The following FAR1 variants were observed in gnomAD, a reference collection of about 807,000 sequenced individuals.
FAR1 encodes the protein male sterility domain-containing protein 2.
Under a neutral mutation model 61.1 loss-of-function variants are expected in FAR1, and 22 were observed. The ratio of observed to expected loss-of-function variants is 0.36; its 90% CI spans 0.26 to 0.51. The LOEUF is 0.51. Among genes scored for constraint, FAR1 ranks in the 20% least tolerant of loss-of-function variants. The pLI is 0.95. For synonymous variants in FAR1, 206 were observed against 209.7 expected, an observed-to-expected ratio of 0.98 and a Z score of 0.15; for missense variants, 359 against 626.9, an observed-to-expected ratio of 0.57 and a Z score of 4.56.
At chr11:13,678,600 C>T (rs1171087544) in intron 1 of FAR1, among the ~76,000 whole-genome samples, 1 of 152,120 alleles carries the variant, frequency 6.6e-6, no homozygotes, top group Non-Finnish European at 1.5e-5. Context: ...AGGCTTGGCC[C>T]TTTCTTGGAA....
At chr11:13,714,039 A>G (rs913831148) in intron 8 of FAR1, among the ~76,000 whole-genome samples, 77 of 152,280 alleles carry the variant, frequency 5.1e-4, no homozygotes, top group Non-Finnish European at 1.1e-3. Flanking sequence ...TACATAGCCT[A>G]TATAAATTAC....
intron 3 of FAR1, 132 bp from the exon 4 acceptor site, chr11:13,707,768 A>G: frequency 2.0e-6 from 1 of 504,458 alleles, no homozygotes; most frequent in Non-Finnish European, 3.2e-6. Flanking sequence ...ACACAAAATC[A>G]CAGCTAAAGG....
intron 1 of FAR1, chr11:13,670,014 A>C (rs1847978880): frequency 6.6e-6 from 1 of 152,236 alleles, no homozygotes; most frequent in Admixed American, 6.5e-5. Context: ...GATCTCTTAC[A>C]GTAATACAAG....
At chr11:13,708,758 C>T (rs751851552) in intron 4 of FAR1, among the ~76,000 whole-genome samples, 165 of 152,136 alleles carry the variant, frequency 1.1e-3, no homozygotes, top group Admixed American at 1.8e-3. Context: ...CCTCACCACC[C>T]CCCAGCCATG....
At chr11:13,680,004 GCAAA>G (rs1467128241) in intron 1 of FAR1, among the ~76,000 whole-genome samples, 5 of 152,088 alleles carry the variant, frequency 3.3e-5, no homozygotes, top group Non-Finnish European at 7.4e-5. Flanking sequence ...GCTTGTGTAG[GCAAA>G]CAAAGTGGCC....
intron 3 of FAR1, among the ~76,000 whole-genome samples, chr11:13,704,570 A>G (rs1848413213): frequency 6.6e-6 from 1 of 152,174 alleles, no homozygotes; most frequent in Admixed American, 6.5e-5. Flanking sequence ...CTTTTTAGCA[A>G]GAGCCTTAGG....
chr11:13,685,936 T>C (rs924767639), intron 1 of FAR1, among the ~76,000 whole-genome samples: 19 of 152,200 alleles, frequency 1.2e-4, no homozygotes, highest in African/African-American at 4.1e-4. Flanking sequence ...CATACAACTT[T>C]AGAACTGGGT....
At chr11:13,720,451 G>C (rs1848598303) in intron 9 of FAR1, 1 of 152,050 alleles carries the variant, frequency 6.6e-6, no homozygotes, top group South Asian at 2.1e-4. Flanking sequence ...AACTATCCCT[G>C]TCCAGAAATT....
rs1848721931 is a variant in FAR1, at chr11:13,731,189, A to G, written c.*2415A>G. On this transcript the variant is annotated 3_prime_UTR_variant, in exon 12 of 12. Coordinates refer to ENST00000354817, the MANE Select transcript of FAR1 (RefSeq NM_032228.6). ...TAAATTGTGATGTCATTGAGACTATATTTATATTTGACTTGGCAACATTAA... is the reference window on the plus strand; with the variant it reads ...TAAATTGTGATGTCATTGAGACTATGTTTATATTTGACTTGGCAACATTAA... 6.6e-6 allele frequency: 1 copy of G among 152,548 alleles called. No individual in the cohort carries two copies. The highest frequency in any genetic ancestry group is 1.5e-5 in the Non-Finnish European group (1 of 68,012). 9.4% of individuals were successfully genotyped at this position (152,548 alleles called of 1,614,324 possible).
In FAR1 at chr11:13,700,441, C is replaced by T. The variant is rs747532221; in HGVS notation, c.314C>T (p.Thr105Ile). ...GATAAAGAGGTGATCATAGATTCTACCAATATTATATTCCACTGTGCAGCT... is the reference window on the plus strand; with the variant it reads ...GATAAAGAGGTGATCATAGATTCTATCAATATTATATTCCACTGTGCAGCT... ...EEDKEVIIDS[T>I]NIIFHCAATV... The change falls in exon 3 of 12, where the codon ACC (threonine) becomes ATC (isoleucine). Residue 105 changes from threonine (T) to isoleucine (I), a missense_variant. Transcript: ENST00000354817. 13 of 1,586,658 alleles carry T rather than the reference C, an allele frequency of 8.2e-6. No homozygotes were observed. Among genetic ancestry groups the T allele is most frequent in the African/African-American group, 1.4e-5 (1 of 73,056 alleles).
intron 1 of FAR1, among the ~76,000 whole-genome samples, chr11:13,686,156 G>A (rs574196767): frequency 2.0e-5 from 3 of 152,256 alleles, no homozygotes; most frequent in African/African-American, 4.8e-5. Context: ...GGGACCTCAG[G>A]CAAGAAAAGT....
chr11:13,724,165 T>C (rs1848644007), intron 10 of FAR1, among the ~76,000 whole-genome samples: 1 of 152,186 alleles, frequency 6.6e-6, no homozygotes, highest in Non-Finnish European at 1.5e-5. Context: ...AGTAGCCTAG[T>C]TAATTAGCTA....
intron 10 of FAR1, among the ~76,000 whole-genome samples, chr11:13,722,850 C>G (rs913405833): frequency 2.1e-5 from 3 of 141,784 alleles, no homozygotes; most frequent in Non-Finnish European, 4.7e-5. Context: ...CTCCCTCTCT[C>G]TCTCTCTCTA....
chr11:13,686,023 A>T (rs1461248455), intron 1 of FAR1, among the ~76,000 whole-genome samples: 1 of 152,088 alleles, frequency 6.6e-6, no homozygotes, highest in Non-Finnish European at 1.5e-5. Context: ...CTCAATTCTC[A>T]TTCATGATGT....
chr11:13,708,401 T>C, intron 4 of FAR1, among the ~76,000 whole-genome samples: 1 of 147,014 alleles, frequency 6.8e-6, no homozygotes. Context: ...TTCAAGTCCC[T>C]CCCTCTTCTC....
chr11:13,690,156 T>A (rs1848233560), intron 1 of FAR1, among the ~76,000 whole-genome samples: 1 of 152,124 alleles, frequency 6.6e-6, no homozygotes. Context: ...GGATTACAGG[T>A]GTGAACCACC....
intron 9 of FAR1, among the ~76,000 whole-genome samples, chr11:13,716,173 G>C (rs1463683499): frequency 6.6e-6 from 1 of 151,790 alleles, no homozygotes; most frequent in Non-Finnish European, 1.5e-5. Flanking sequence ...TAATAAGGTT[G>C]TTATAATTTA....
intron 2 of FAR1, among the ~76,000 whole-genome samples, chr11:13,696,994 G>A (rs1848314177): frequency 1.3e-5 from 2 of 152,168 alleles, no homozygotes; most frequent in South Asian, 2.1e-4. Flanking sequence ...TCTATGCATG[G>A]TAGGGTTATC....
chr11:13,701,148 TATA>T, intron 3 of FAR1, among the ~76,000 whole-genome samples: 1 of 152,202 alleles, frequency 6.6e-6, no homozygotes, highest in Non-Finnish European at 1.5e-5. Context: ...ATACAGTTTT[TATA>T]ATGTTAATCT....
Sources: allele counts gnomAD v4.1 joint callset (sites outside exome capture counted in the v4.1 genomes callset), GRCh38; gene constraint gnomAD v4.1.1; transcripts MANE v1.5; gene names NCBI Gene and HGNC (gene_info 2026-07-23, HGNC 2026-07-21).